CPQ: variants seen among roughly 807,000 people sequenced by gnomAD.
The protein encoded by CPQ is Ser-Met dipeptidase.
Under a neutral mutation model 45.7 loss-of-function variants are expected in CPQ, and 37 were observed. The observed-to-expected ratio is 0.81, with a 90% CI of 0.62 to 1.07. The LOEUF is 1.07. Ranked by LOEUF, CPQ falls within the 50% of genes least tolerant of loss-of-function variation. The probability of loss-of-function intolerance (pLI) is 0.00; values close to 1 mark genes in which losing one functional copy is unlikely to be tolerated. For synonymous variants in CPQ, 186 were observed against 205.8 expected, an observed-to-expected ratio of 0.90 and a Z score of 0.82; for missense variants, 537 against 572.9, an observed-to-expected ratio of 0.94 and a Z score of 0.64.
At chr8:96,971,874 G>A (rs1393112794) in intron 5 of CPQ, among the ~76,000 whole-genome samples, 3 of 152,176 alleles carry the variant, frequency 2.0e-5, no homozygotes, top group African/African-American at 7.2e-5. Context: ...GGATTAAAAT[G>A]GCAGATAGGA....
intron 1 of CPQ, among the ~76,000 whole-genome samples, chr8:96,684,457 G>T (rs1186873652): frequency 6.6e-6 from 1 of 152,172 alleles, no homozygotes; most frequent in Non-Finnish European, 1.5e-5. Flanking sequence ...AGTCCCTGAT[G>T]GTGGATGCAG....
chr8:96,879,505 A>G (rs909790753), intron 3 of CPQ, among the ~76,000 whole-genome samples: 5 of 152,192 alleles, frequency 3.3e-5, no homozygotes, highest in African/African-American at 1.2e-4. Flanking sequence ...TTGATCATGA[A>G]GGCACTATTA....
At chr8:96,771,988 A>G (rs1418796100) in intron 1 of CPQ, among the ~76,000 whole-genome samples, 1 of 152,112 alleles carries the variant, frequency 6.6e-6, no homozygotes, top group Admixed American at 6.6e-5. Flanking sequence ...AGAGAGAGAC[A>G]TTTAAGGAGG....
intron 6 of CPQ, among the ~76,000 whole-genome samples, chr8:97,046,859 T>A (rs1810267085): frequency 6.6e-6 from 1 of 152,202 alleles, no homozygotes; most frequent in South Asian, 2.1e-4. Context: ...TGTTTTGTCA[T>A]TTGAATTAGG....
intron 1 of CPQ, among the ~76,000 whole-genome samples, chr8:96,671,792 T>A (rs1182514848): frequency 6.6e-6 from 1 of 152,148 alleles, no homozygotes; most frequent in Non-Finnish European, 1.5e-5. Flanking sequence ...GCATTTTAGA[T>A]TCTTTCCTAA....
chr8:96,742,143 A>G (rs1293727992), intron 1 of CPQ, among the ~76,000 whole-genome samples: 1 of 149,442 alleles, frequency 6.7e-6, no homozygotes, highest in Non-Finnish European at 1.5e-5. Flanking sequence ...GACTTGCTTT[A>G]TGAATCTGGG....
chr8:96,840,464 C>T (rs985748919), intron 3 of CPQ, among the ~76,000 whole-genome samples: 2 of 152,052 alleles, frequency 1.3e-5, no homozygotes, highest in African/African-American at 4.8e-5. Context: ...TATCTAGGAG[C>T]TTATTGATGT....
chr8:96,774,232 T>C (rs1218192689), intron 1 of CPQ, among the ~76,000 whole-genome samples: 2 of 151,670 alleles, frequency 1.3e-5, no homozygotes, highest in East Asian at 3.9e-4. Context: ...GACTGTGCCA[T>C]TGCACTCCAG....
intron 4 of CPQ, among the ~76,000 whole-genome samples, chr8:96,886,177 T>C (rs59932141): frequency 1.5e-3 from 221 of 152,272 alleles, no homozygotes; most frequent in African/African-American, 4.8e-3. Flanking sequence ...TGGGCATGTT[T>C]TGCAGGACCC....
chr8:96,927,952 T>C (rs139973414), intron 4 of CPQ, among the ~76,000 whole-genome samples: 6 of 152,338 alleles, frequency 3.9e-5, no homozygotes, highest in East Asian at 1.9e-4. Context: ...CTTGCCCTGC[T>C]TTATCCTGTG....
chr8:96,744,598 C>G (rs1810150658), intron 1 of CPQ, among the ~76,000 whole-genome samples: 1 of 152,052 alleles, frequency 6.6e-6, no homozygotes, highest in African/African-American at 2.4e-5. Flanking sequence ...GCCTTGAAGT[C>G]TATTTTGTCT....
chr8:97,048,961 G>C (rs1055165996), intron 6 of CPQ, among the ~76,000 whole-genome samples: 1 of 151,804 alleles, frequency 6.6e-6, no homozygotes, highest in African/African-American at 2.4e-5. Flanking sequence ...CAAATGAAGG[G>C]AAAAAAAATA....
At chr8:96,930,053 T>C (rs575667260) in intron 4 of CPQ, among the ~76,000 whole-genome samples, 114 of 152,280 alleles carry the variant, frequency 7.5e-4, no homozygotes, top group African/African-American at 2.7e-3. Flanking sequence ...GAGGGAGATA[T>C]AGGTTCCCTG....
At chr8:96,874,501 TTCTATC>T (rs980964221) in intron 3 of CPQ, among the ~76,000 whole-genome samples, 11 of 151,836 alleles carry the variant, frequency 7.2e-5, no homozygotes, top group African/African-American at 2.7e-4. Flanking sequence ...AAAATTTACT[TTCTATC>T]TAAAACCTAA....
At chr8:97,102,388 G>A (rs897870853) in intron 7 of CPQ, among the ~76,000 whole-genome samples, 1 of 152,130 alleles carries the variant, frequency 6.6e-6, no homozygotes, top group African/African-American at 2.4e-5. Flanking sequence ...TAGGGGAGAG[G>A]TTCTGTGATG....
chr8:97,106,821 G>A (rs920060665), intron 7 of CPQ, among the ~76,000 whole-genome samples: 3 of 152,148 alleles, frequency 2.0e-5, no homozygotes, highest in Admixed American at 2.0e-4. Flanking sequence ...GCAAAGAGCC[G>A]AGAAAGAGAG....
At chr8:96,728,288 A>G (rs1381550439) in intron 1 of CPQ, among the ~76,000 whole-genome samples, 1 of 150,352 alleles carries the variant, frequency 6.7e-6, no homozygotes, top group East Asian at 1.9e-4. Flanking sequence ...TTTTAACTTG[A>G]AAAAAGTATG....
intron 3 of CPQ, among the ~76,000 whole-genome samples, chr8:96,873,724 A>G (rs1013828859): frequency 1.4e-4 from 21 of 151,748 alleles, no homozygotes; most frequent in African/African-American, 5.1e-4. Context: ...GCTTTAAACT[A>G]TTTGTGAATA....
intron 1 of CPQ, among the ~76,000 whole-genome samples, chr8:96,753,543 C>A (rs1810290037): frequency 1.4e-5 from 2 of 139,324 alleles, no homozygotes; most frequent in Non-Finnish European, 3.3e-5. Context: ...CAAGGTTTTA[C>A]TTAAGAAATT....
Sources: allele counts gnomAD v4.1 joint callset (sites outside exome capture counted in the v4.1 genomes callset), GRCh38; gene constraint gnomAD v4.1.1; transcripts MANE v1.5; gene names NCBI Gene and HGNC (gene_info 2026-07-23, HGNC 2026-07-21).